Variants in TAS2R1 observed in about 807,000 individuals in gnomAD.
TAS2R1 encodes the protein taste receptor type 2 member 1.
For missense variants in TAS2R1, 370 were observed against 353.4 expected (o/e 1.05, Z -0.38); for synonymous variants, 141 against 134.2 (o/e 1.05, Z -0.35).
chr5:9,659,699 C>T (rs1285681874), intron 1 of TAS2R1: 1 of 152,116 alleles, frequency 6.6e-6, no homozygotes, highest in Non-Finnish European at 1.5e-5. Flanking sequence ...AGAAGATTAT[C>T]ACTTTATTAC....
the TAS2R1 span, among the ~76,000 whole-genome samples, chr5:9,902,121 G>T: frequency 6.6e-6 from 1 of 152,008 alleles, no homozygotes; most frequent in Non-Finnish European, 1.5e-5. Flanking sequence ...CCCTATTATA[G>T]CTGTATAGCT....
At chr5:9,661,300 T>A (rs973439519) in intron 1 of TAS2R1, among the ~76,000 whole-genome samples, 2 of 152,238 alleles carry the variant, frequency 1.3e-5, no homozygotes, top group Non-Finnish European at 2.9e-5. Context: ...AAACTTTCTA[T>A]ACTAAAAGCA....
At chr5:9,837,242 G>C in the TAS2R1 span, among the ~76,000 whole-genome samples, 3 of 152,148 alleles carry the variant, frequency 2.0e-5, no homozygotes, top group South Asian at 2.1e-4. Flanking sequence ...CCGAGGCATG[G>C]AGAAGTGAGG....
the TAS2R1 span, among the ~76,000 whole-genome samples, chr5:9,792,405 G>T: frequency 6.6e-6 from 1 of 152,170 alleles, no homozygotes; most frequent in Non-Finnish European, 1.5e-5. Flanking sequence ...TGGGATTGAT[G>T]ACATGATTAC....
At chr5:9,757,909 T>C in the TAS2R1 span, among the ~76,000 whole-genome samples, 12 of 140,136 alleles carry the variant, frequency 8.6e-5, no homozygotes, top group South Asian at 1.6e-3. Context: ...GTTTAGGCTA[T>C]TTTTTTCATG....
At chr5:9,687,649 C>T (rs868724498) in intron 1 of TAS2R1, among the ~76,000 whole-genome samples, 1 of 151,912 alleles carries the variant, frequency 6.6e-6, no homozygotes, top group Non-Finnish European at 1.5e-5. Context: ...ACCGTACTCC[C>T]GTCAGAGGAA....
chr5:9,650,734 T>A (rs1161049471), intron 2 of TAS2R1, among the ~76,000 whole-genome samples: 1 of 152,142 alleles, frequency 6.6e-6, no homozygotes, highest in East Asian at 1.9e-4. Flanking sequence ...ATTCTCCTCA[T>A]CCCTTTCCAC....
At chr5:9,766,224 G>C in the TAS2R1 span, among the ~76,000 whole-genome samples, 1 of 152,196 alleles carries the variant, frequency 6.6e-6, no homozygotes, top group Non-Finnish European at 1.5e-5. Context: ...AGATAATCCT[G>C]AATCTGTAGG....
the TAS2R1 span, among the ~76,000 whole-genome samples, chr5:9,780,160 G>C: frequency 1.4e-4 from 21 of 152,134 alleles, no homozygotes; most frequent in African/African-American, 4.6e-4. Flanking sequence ...TCATGGAAAA[G>C]AACATCACCC....
the TAS2R1 span, among the ~76,000 whole-genome samples, chr5:9,771,057 T>A: frequency 6.6e-6 from 1 of 152,206 alleles, no homozygotes; most frequent in African/African-American, 2.4e-5. Flanking sequence ...GCATTGTGTG[T>A]TGAGTTATGT....
the TAS2R1 span, among the ~76,000 whole-genome samples, chr5:9,883,051 A>T: frequency 6.6e-6 from 1 of 152,350 alleles, no homozygotes; most frequent in African/African-American, 2.4e-5. Context: ...AGCCATAAAA[A>T]GGAACAAGAT....
the TAS2R1 span, among the ~76,000 whole-genome samples, chr5:9,782,722 T>C: frequency 6.6e-6 from 1 of 152,204 alleles, no homozygotes; most frequent in South Asian, 2.1e-4. Context: ...AAAAACACTT[T>C]TAAAGGCAAT....
chr5:9,715,116 G>T (rs1362387043), upstream of TAS2R1, among the ~76,000 whole-genome samples: 5 of 152,200 alleles, frequency 3.3e-5, no homozygotes, highest in Non-Finnish European at 7.3e-5. Flanking sequence ...GGAGAGATTG[G>T]CACCTTGCTC....
At chr5:9,902,794 C>T in the TAS2R1 span, 1 of 151,838 alleles carries the variant, frequency 6.6e-6, no homozygotes, top group Non-Finnish European at 1.5e-5. Flanking sequence ...TGATCAGTCC[C>T]CACCTCCCCA....
intron 1 of TAS2R1, among the ~76,000 whole-genome samples, chr5:9,661,107 A>C (rs1032869882): frequency 2.0e-5 from 3 of 152,238 alleles, no homozygotes; most frequent in Admixed American, 6.5e-5. Context: ...TTGTTGTTTT[A>C]ACCTACTACA....
the TAS2R1 span, chr5:9,862,781 A>T: frequency 6.6e-6 from 1 of 151,704 alleles, no homozygotes; most frequent in East Asian, 2.0e-4. Flanking sequence ...CACGTACTTA[A>T]TTTTTCTGTT....
chr5:9,639,649 C>T (rs1004617055), intron 2 of TAS2R1, among the ~76,000 whole-genome samples: 6 of 152,152 alleles, frequency 3.9e-5, no homozygotes, highest in Admixed American at 6.5e-5. Flanking sequence ...CATCTTCCCC[C>T]GATCTCCAAC....
chr5:9,799,463 C>A, the TAS2R1 span, among the ~76,000 whole-genome samples: 1 of 152,172 alleles, frequency 6.6e-6, no homozygotes, highest in Non-Finnish European at 1.5e-5. Flanking sequence ...ACCTTGAATA[C>A]CAGCTGCTCA....
rs188931508 is a variant in TAS2R1 at position 9,629,057 on chromosome 5, G to A, written c.*76C>T. ...TGTATATTTATGAACAGGCTGCTTTGTCTGGCTGAGGGAAGTGTGGCAGGC... is the reference window on the plus strand; with the variant it reads ...TGTATATTTATGAACAGGCTGCTTTATCTGGCTGAGGGAAGTGTGGCAGGC... On this transcript the variant is annotated 3_prime_UTR_variant, in exon 1 of 1. Coordinates refer to ENST00000382492, the MANE Select transcript of TAS2R1 (RefSeq NM_019599.3). 7.0e-7 allele frequency: 1 copy of A among 1,438,150 alleles called. No individual in the cohort carries two copies. The highest frequency in any genetic ancestry group is 2.3e-5 in the East Asian group (1 of 43,584). The allele number at this position is 1,438,150 out of a possible 1,614,324, so 89.1% of individuals were successfully genotyped here.
Sources: gnomAD v4.1 joint callset for allele counts (sites outside exome capture counted in the v4.1 genomes callset) on GRCh38, gnomAD v4.1.1 for gene constraint, MANE v1.5 for transcripts, NCBI Gene and HGNC (gene_info 2026-07-23, HGNC 2026-07-21) for gene names.